TRDN: variants seen among roughly 807,000 people sequenced by gnomAD.
The protein encoded by TRDN is triadin in skeletal muscle.
In TRDN, 161 loss-of-function variants were observed where a neutral mutation model predicts 149.7. The ratio of observed to expected loss-of-function variants is 1.08; its 90% CI spans 0.95 to 1.23. The LOEUF (loss-of-function observed/expected upper bound fraction) is 1.23, where lower values mean the gene tolerates loss of function less well. Among genes scored for constraint, TRDN ranks in the 50% most tolerant of loss-of-function variants. The probability of loss-of-function intolerance (pLI) is 0.00; values close to 1 mark genes in which losing one functional copy is unlikely to be tolerated. For missense variants in TRDN, 896 were observed against 823.5 expected (o/e 1.09, Z -1.08); for synonymous variants, 294 against 250.5 (o/e 1.17, Z -1.64).
intron 9 of TRDN, among the ~76,000 whole-genome samples, chr6:123,492,568 G>A (rs944810038): frequency 2.6e-5 from 4 of 152,036 alleles, no homozygotes; most frequent in Non-Finnish European, 5.9e-5. Flanking sequence ...AGATCCTGAT[G>A]TGTTTTCTTA....
intron 12 of TRDN, among the ~76,000 whole-genome samples, chr6:123,431,659 A>G (rs1019636424): frequency 3.3e-5 from 5 of 152,166 alleles, no homozygotes; most frequent in Non-Finnish European, 7.4e-5. Context: ...TTAAACTAAA[A>G]CTTAACATGA....
chr6:123,360,609 G>A (rs758166499), intron 20 of TRDN, among the ~76,000 whole-genome samples: 2 of 152,100 alleles, frequency 1.3e-5, no homozygotes, highest in African/African-American at 2.4e-5. Flanking sequence ...CAGGAGCTTA[G>A]TCTTTGTGGA....
chr6:123,472,300 G>C (rs1025530674), intron 9 of TRDN, among the ~76,000 whole-genome samples: 2 of 152,168 alleles, frequency 1.3e-5, no homozygotes, highest in Non-Finnish European at 1.5e-5. Context: ...TTCCCCTTCC[G>C]AGTCAAAGAA....
At chr6:123,552,649 T>C (rs1187449396) in intron 2 of TRDN, among the ~76,000 whole-genome samples, 1 of 152,162 alleles carries the variant, frequency 6.6e-6, no homozygotes, top group Non-Finnish European at 1.5e-5. Context: ...ATTTTCTTCA[T>C]CATATATTTT....
chr6:123,250,539 A>G (rs1371699182), intron 38 of TRDN, among the ~76,000 whole-genome samples: 2 of 152,150 alleles, frequency 1.3e-5, no homozygotes, highest in Non-Finnish European at 2.9e-5. Flanking sequence ...CTAAAAAAGC[A>G]TAATAAAAAC....
At chr6:123,256,603 T>G (rs958005095) in intron 35 of TRDN, among the ~76,000 whole-genome samples, 1 of 152,176 alleles carries the variant, frequency 6.6e-6, no homozygotes, top group South Asian at 2.1e-4. Flanking sequence ...TTTTAAAATA[T>G]GTTTGCCTTC....
chr6:123,236,951 A>T (rs547414392), intron 38 of TRDN, among the ~76,000 whole-genome samples: 1 of 145,768 alleles, frequency 6.9e-6, no homozygotes, highest in Non-Finnish European at 1.5e-5. Context: ...TCTGTCTGAG[A>T]TTTTGATTGT....
chr6:123,565,534 A>T (rs1443023323), intron 2 of TRDN, among the ~76,000 whole-genome samples: 1 of 152,210 alleles, frequency 6.6e-6, no homozygotes, highest in Non-Finnish European at 1.5e-5. Flanking sequence ...CTAAGCTGGA[A>T]CTGTCTTCCC....
chr6:123,381,595 AT>A (rs1562286779), intron 15 of TRDN, among the ~76,000 whole-genome samples: 1 of 151,962 alleles, frequency 6.6e-6, no homozygotes, highest in Non-Finnish European at 1.5e-5. Context: ...GGCAAATATT[AT>A]TTGACAATAA....
rs117702654 is a variant in TRDN, at chr6:123,320,525, A to G, written c.1472-4030T>C. 4.8e-3 allele frequency among the ~76,000 whole-genome samples: 722 copies of G among 151,026 alleles called. 5 individuals carry two copies. The highest frequency in any genetic ancestry group is 7.5e-3 in the Admixed American group (114 of 15,234). Reference sequence around the variant, plus strand: ...GTGGTAAATGTTATTATTAGACTCAATTTACAGATAGCAATACTGAGACTT... The same window carrying G: ...GTGGTAAATGTTATTATTAGACTCAGTTTACAGATAGCAATACTGAGACTT... On this transcript the variant is annotated intron_variant, in intron 23 of 40. Coordinates refer to ENST00000334268, the MANE Select transcript of TRDN (RefSeq NM_006073.4).
intron 10 of TRDN, among the ~76,000 whole-genome samples, chr6:123,459,522 C>A (rs1484561562): frequency 6.6e-6 from 1 of 152,190 alleles, no homozygotes; most frequent in Non-Finnish European, 1.5e-5. Flanking sequence ...CCATTCTATT[C>A]TCTTGCCTCT....
chr6:123,376,747 G>A (rs1781522771), intron 18 of TRDN, among the ~76,000 whole-genome samples: 1 of 152,100 alleles, frequency 6.6e-6, no homozygotes, highest in Admixed American at 6.6e-5. Flanking sequence ...GTTTTCCGTG[G>A]TTTGTGGTAG....
chr6:123,378,767 A>G (rs368001131), intron 16 of TRDN, among the ~76,000 whole-genome samples: 10 of 152,346 alleles, frequency 6.6e-5, no homozygotes, highest in African/African-American at 2.4e-4. Flanking sequence ...ACTAAAATAG[A>G]AAAAGAAGTT....
At chr6:123,289,559 TGCCATGTCAATTTACCATTGCCATGAC>T (rs1777925097) in intron 24 of TRDN, among the ~76,000 whole-genome samples, 2 of 152,120 alleles carry the variant, frequency 1.3e-5, no homozygotes, top group Non-Finnish European at 2.9e-5. Flanking sequence ...TCCACTAGCG[TGCCATGTCAATTTACCATTGCCATGAC>T]AACACTCAGG....
At chr6:123,405,756 T>G (rs1325684351) in intron 12 of TRDN, among the ~76,000 whole-genome samples, 3 of 151,944 alleles carry the variant, frequency 2.0e-5, no homozygotes, top group Non-Finnish European at 4.4e-5. Flanking sequence ...TAACTGCAAA[T>G]TTTTTTTAAT....
intron 12 of TRDN, among the ~76,000 whole-genome samples, chr6:123,420,904 TA>T (rs1419306112): frequency 3.6e-4 from 55 of 152,252 alleles, no homozygotes; most frequent in African/African-American, 1.3e-3. Flanking sequence ...TTCCCCAAAA[TA>T]TTGTTTAACA....
Position 123,500,312 on chromosome 6 carries a change from C to T in TRDN, c.794-3060G>A, listed in dbSNP as rs193021621. On this transcript the variant is annotated intron_variant, in intron 8 of 40. Coordinates refer to ENST00000334268, the MANE Select transcript of TRDN (RefSeq NM_006073.4). ...TTTTCAAATATTTTAAGTTAGGATGCCCATTTCCACCTGTCCTTGGCAATG... is the reference window on the plus strand; with the variant it reads ...TTTTCAAATATTTTAAGTTAGGATGTCCATTTCCACCTGTCCTTGGCAATG... Among the ~76,000 whole-genome samples the T allele has an allele frequency of 2.1e-3, 322 of 152,108 alleles. 10 individuals are homozygous for T. The South Asian group carries it at 0.058, about 27-fold the overall frequency.
intron 19 of TRDN, among the ~76,000 whole-genome samples, chr6:123,371,909 CTG>C (rs1781341670): frequency 6.6e-6 from 1 of 152,060 alleles, no homozygotes; most frequent in Admixed American, 6.6e-5. Context: ...GCAGCACCAG[CTG>C]TGATACTATT....
At position 123,218,497 on chromosome 6, in the gene TRDN, A is replaced by G; in HGVS notation, c.*104T>C. 3.6e-6 allele frequency: 5 copies of G among 1,381,064 alleles called. No homozygotes were observed. The highest frequency in any genetic ancestry group is 4.9e-6 in the Non-Finnish European group (5 of 1,028,682). The allele number at this position is 1,381,064 out of a possible 1,614,324, so 85.6% of individuals were successfully genotyped here. On this transcript the variant is annotated 3_prime_UTR_variant, in exon 41 of 41. Transcript: ENST00000334268. ...CCAGGCCAAAGAGCAAAATGTTTTCACAGAAATTCTCTGGGTTGCATATTC... is the reference window on the plus strand; with the variant it reads ...CCAGGCCAAAGAGCAAAATGTTTTCGCAGAAATTCTCTGGGTTGCATATTC...
Sources: allele counts gnomAD v4.1 joint callset (sites outside exome capture counted in the v4.1 genomes callset), GRCh38; gene constraint gnomAD v4.1.1; transcripts MANE v1.5; gene names NCBI Gene and HGNC (gene_info 2026-07-23, HGNC 2026-07-21).